The following CRYBG3 variants were observed in gnomAD, a reference collection of about 807,000 sequenced individuals.
The protein encoded by CRYBG3 is very large A-kinase anchor protein.
A neutral mutation model predicts 244.2 loss-of-function variants in CRYBG3; 127 were observed. The observed-to-expected ratio is 0.52, with a 90% CI of 0.45 to 0.60. CRYBG3 has a LOEUF of 0.60. Ranked by LOEUF, CRYBG3 falls within the 20% of genes least tolerant of loss-of-function variation. CRYBG3 has a pLI of 0.00. For missense variants in CRYBG3, 3,325 were observed against 3,442.5 expected, an observed-to-expected ratio of 0.97 and a Z score of 0.85; for synonymous variants, 1,132 against 1,195.8, an observed-to-expected ratio of 0.95 and a Z score of 1.10.
chr3:97,894,002 T>C (rs993145945), intron 11 of CRYBG3, among the ~76,000 whole-genome samples: 2 of 152,206 alleles, frequency 1.3e-5, no homozygotes, highest in Non-Finnish European at 2.9e-5. Context: ...ATTAATCACT[T>C]ACTTCCTTGT....
At chr3:97,825,232 G>T (rs2038562871) in intron 1 of CRYBG3, among the ~76,000 whole-genome samples, 1 of 152,172 alleles carries the variant, frequency 6.6e-6, no homozygotes, top group Admixed American at 6.5e-5. Context: ...GCAAAAGCCT[G>T]TTATACAGAT....
In CRYBG3 at chr3:97,888,402, G is replaced by A; in HGVS notation, c.7351G>A (p.Gly2451Arg). Residue 2451 changes from glycine to arginine, a missense_variant, in exon 9 of 22, where the codon GGG becomes AGG. Physicochemically the swap from Gly to Arg is moderately radical, Grantham distance 125. This residue lies in a region of CRYBG3 where 714 missense variants were observed against 803.6 expected (regional missense o/e 0.89). Transcript: ENST00000389622. ...GQATVLEEDHGLFEISTAEMK... is the reference protein window; with the variant it reads ...GQATVLEEDHRLFEISTAEMK... ...AGCTACAGTTCTGGAGGAAGACCAT[G>A]GGCTCTTTGAGATTTCTACAGCAGA... 1 of 1,613,122 alleles carries A rather than the reference G, an allele frequency of 6.2e-7. No homozygotes were observed. Among genetic ancestry groups the A allele is most frequent in the Non-Finnish European group, 8.5e-7 (1 of 1,179,334 alleles).
chr3:97,841,329 T>C (rs2038814641), intron 1 of CRYBG3, among the ~76,000 whole-genome samples: 1 of 150,782 alleles, frequency 6.6e-6, no homozygotes, highest in Admixed American at 6.6e-5. Context: ...CGCATATATA[T>C]ATGTATATAT....
intron 7 of CRYBG3, among the ~76,000 whole-genome samples, chr3:97,885,674 A>G (rs2039499633): frequency 6.6e-6 from 1 of 152,198 alleles, no homozygotes; most frequent in Non-Finnish European, 1.5e-5. Context: ...AACATCTGCA[A>G]AGCCTACAGA....
rs555281247 is a variant in CRYBG3, at chr3:97,933,360, A to G, written c.8242-334A>G. On this transcript the variant is annotated intron_variant, in intron 17 of 21. Transcript: ENST00000389622. Reference sequence around the variant, plus strand: ...TTCCATATTTATTCTGTTGCCAGCTAAAAGCATTGGCAGGACTAATTATGG... The same window carrying G: ...TTCCATATTTATTCTGTTGCCAGCTGAAAGCATTGGCAGGACTAATTATGG... 6 of 371,212 alleles carry G rather than the reference A, an allele frequency of 1.6e-5. No homozygotes were observed. The Middle Eastern group carries it at 4.3e-3, about 265-fold the overall frequency. 23.0% of individuals were successfully genotyped at this position (371,212 alleles called of 1,614,324 possible).
chr3:97,937,975 T>G (rs935983875), intron 19 of CRYBG3, among the ~76,000 whole-genome samples: 2 of 152,044 alleles, frequency 1.3e-5, no homozygotes, highest in Non-Finnish European at 2.9e-5. Context: ...CCACAGGCAG[T>G]CCCTGGTTCA....
intron 1 of CRYBG3, among the ~76,000 whole-genome samples, chr3:97,825,106 A>C (rs9835733): frequency 0.46 from 69,831 of 151,906 alleles, 16,852 homozygotes; most frequent in East Asian, 0.67. Context: ...CTGTTAGGGG[A>C]TATATACATT....
intron 7 of CRYBG3, among the ~76,000 whole-genome samples, chr3:97,881,956 C>A (rs890898114): frequency 5.9e-5 from 9 of 151,960 alleles, no homozygotes; most frequent in Admixed American, 2.6e-4. Flanking sequence ...CACCTGTAAT[C>A]CCAGCACTTT....
At chr3:97,847,562 T>A (rs1184603020) in intron 2 of CRYBG3, among the ~76,000 whole-genome samples, 1 of 152,234 alleles carries the variant, frequency 6.6e-6, no homozygotes, top group East Asian at 1.9e-4. Context: ...AAAGAAATCC[T>A]ATTAAAACAT....
intron 3 of CRYBG3, among the ~76,000 whole-genome samples, chr3:97,865,202 A>C (rs957030264): frequency 6.6e-6 from 1 of 152,160 alleles, no homozygotes; most frequent in African/African-American, 2.4e-5. Flanking sequence ...CTCTCAAATG[A>C]GGTAGAAGGA....
intron 3 of CRYBG3, among the ~76,000 whole-genome samples, chr3:97,868,283 CAAA>C (rs11429773): frequency 2.6e-5 from 3 of 117,040 alleles, no homozygotes; most frequent in Non-Finnish European, 1.7e-5. Flanking sequence ...GACTCCATCT[CAAA>C]AAAAAAAAAA....
In CRYBG3 at chr3:97,909,734, T is replaced by C. The variant is rs1286872222; in HGVS notation, c.8005-2433T>C. Among the ~76,000 whole-genome samples the C allele has an allele frequency of 2.3e-3, 354 of 151,824 alleles. 2 individuals carry two copies. Among genetic ancestry groups the C allele is most frequent in the Admixed American group, 7.3e-3 (111 of 15,246 alleles). On this transcript the variant is annotated intron_variant, in intron 15 of 21. Coordinates refer to ENST00000389622, the MANE Select transcript of CRYBG3 (RefSeq NM_153605.4). Reference sequence around the variant, plus strand: ...CAGAGTAATTTGATCGTCTGAAGCCTTCTTCTCTCAGCTCGTCAAAGTCAT... The same window carrying C: ...CAGAGTAATTTGATCGTCTGAAGCCCTCTTCTCTCAGCTCGTCAAAGTCAT...
At position 97,892,961 on chromosome 3, in the gene CRYBG3, C is replaced by G. The variant is rs139188566; in HGVS notation, c.7542C>G (p.His2514Gln). The G allele has an allele frequency of 1.8e-4, 289 of 1,601,230 alleles. No individual in the cohort carries two copies. In the East Asian group the frequency reaches 6.0e-3, roughly 33 times the overall value. ...TTTTGAAAAATAATGGAGATTTTCACAGAATTGGATCAATTCGTGTCATTG... is the reference window on the plus strand; with the variant it reads ...TTTTGAAAAATAATGGAGATTTTCAGAGAATTGGATCAATTCGTGTCATTG... ...PNFLKNNGDF[H>Q]RIGSIRVIGG... Residue 2514 changes from histidine (H) to glutamine (Q), a missense_variant, in exon 11 of 22, where the codon CAC becomes CAG. His to Gln is a conservative substitution (Grantham distance 24, BLOSUM62 0). Transcript: ENST00000389622.
intron 17 of CRYBG3, among the ~76,000 whole-genome samples, chr3:97,926,751 T>C (rs2040044855): frequency 6.6e-6 from 1 of 151,926 alleles, no homozygotes; most frequent in Non-Finnish European, 1.5e-5. Flanking sequence ...TGTAGAAAAA[T>C]CAGTAGCATT....
chr3:97,929,339 AGT>A lies in CRYBG3; in HGVS notation c.8242-4354_8242-4353del, dbSNP rs767032228. Among the ~76,000 whole-genome samples the A allele has an allele frequency of 9.1e-4, 139 of 152,006 alleles. 1 individual carries two copies. In the Middle Eastern group the frequency reaches 0.01, roughly 11 times the overall value. ...ATCTTCAGTTTTAAAGATTATTAAT[AGT>A]TGATCTCTCTTCCTATTTTCATGTT... On this transcript the variant is annotated intron_variant, in intron 17 of 21. Transcript: ENST00000389622.
At chr3:97,832,124 A>T (rs2038662028) in intron 1 of CRYBG3, among the ~76,000 whole-genome samples, 2 of 151,982 alleles carry the variant, frequency 1.3e-5, no homozygotes, top group South Asian at 4.1e-4. Context: ...GAAAATGGCC[A>T]TACTGACCAA....
chr3:97,887,168 T>C (rs190027892), intron 8 of CRYBG3, among the ~76,000 whole-genome samples: 119 of 152,270 alleles, frequency 7.8e-4, no homozygotes, highest in Middle Eastern at 6.8e-3. Flanking sequence ...GAAAGGCAGA[T>C]GGTGTTACTC....
In CRYBG3 at chr3:97,915,601, G is replaced by C. The variant is rs773351860; in HGVS notation, c.8115-9G>C. 2 of 1,606,334 alleles carry C rather than the reference G, an allele frequency of 1.2e-6. No individual in the cohort carries two copies. Among genetic ancestry groups the C allele is most frequent in the African/African-American group, 2.7e-5 (2 of 74,642 alleles). On this transcript the variant is annotated splice_polypyrimidine_tract_variant and intron_variant, in intron 16 of 21. Coordinates refer to ENST00000389622, the MANE Select transcript of CRYBG3 (RefSeq NM_153605.4). ...AATTTGATTGAATGTCTTACTGCTT[G>C]GCTTTTAGCTGGCTCCTCTATTACC...
intron 1 of CRYBG3, among the ~76,000 whole-genome samples, chr3:97,832,598 C>T (rs866799117): frequency 1.3e-5 from 2 of 152,032 alleles, no homozygotes; most frequent in Non-Finnish European, 2.9e-5. Flanking sequence ...AAATGTAAGA[C>T]CTAAAACCAT....
Sources: gnomAD v4.1 joint callset for allele counts (sites outside exome capture counted in the v4.1 genomes callset) on GRCh38, gnomAD v4.1.1 for gene constraint, gnomAD v4.1.1 regional missense constraint, MANE v1.5 for transcripts, NCBI Gene and HGNC (gene_info 2026-07-23, HGNC 2026-07-21) for gene names.